Variants in TENM3 observed in about 807,000 individuals in gnomAD.
TENM3 encodes teneurin transmembrane protein 3.
A neutral mutation model predicts 255.1 loss-of-function variants in TENM3; 63 were observed. The ratio of observed to expected loss-of-function variants is 0.25; its 90% CI spans 0.20 to 0.30. The LOEUF is 0.30. TENM3 is among the 10% of genes least tolerant of loss of function. The pLI is 1.00. For synonymous variants in TENM3, 1,306 were observed against 1,322.3 expected (o/e 0.99, Z 0.27); for missense variants, 2,929 against 3,461.1 (o/e 0.85, Z 3.86).
chr4:181,564,982 G>C, the TENM3 span, among the ~76,000 whole-genome samples: 2,819 of 152,246 alleles, frequency 0.019, 77 homozygotes, highest in African/African-American at 0.062. Context: ...TCGAATGTGA[G>C]ATCCTTTTAT....
At chr4:181,454,673 A>ATTTTTATACTTTTTTTTTTTTTTT in the TENM3 span, among the ~76,000 whole-genome samples, 5 of 148,100 alleles carry the variant, frequency 3.4e-5, no homozygotes, top group African/African-American at 5.0e-5. Flanking sequence ...TTTTTATACC[A>ATTTTTATACTTTTTTTTTTTTTTT]TTTTTATACT....
intron 4 of TENM3, among the ~76,000 whole-genome samples, chr4:182,619,862 G>C (rs73872451): frequency 9.2e-5 from 14 of 152,176 alleles, no homozygotes; most frequent in Non-Finnish European, 1.9e-4. Context: ...TCCGTGCAGG[G>C]CATCATTGGA....
chr4:182,254,036 T>C (rs1758211509), intron 1 of TENM3, among the ~76,000 whole-genome samples: 6 of 152,170 alleles, frequency 3.9e-5, no homozygotes, highest in Admixed American at 3.9e-4. Flanking sequence ...TTAATTCTAA[T>C]CTTTTTCCTA....
the TENM3 span, among the ~76,000 whole-genome samples, chr4:181,907,237 G>A: frequency 0.084 from 12,735 of 152,182 alleles, 630 homozygotes; most frequent in East Asian, 0.19. Context: ...TCATGATGAT[G>A]CTTCAAAGCA....
intron 1 of TENM3, among the ~76,000 whole-genome samples, chr4:182,161,609 A>G (rs1751195795): frequency 8.7e-6 from 1 of 115,590 alleles, no homozygotes; most frequent in South Asian, 3.2e-4. Context: ...ACATATATAT[A>G]TATGTATATA....
At chr4:181,936,769 A>G in the TENM3 span, among the ~76,000 whole-genome samples, 1 of 151,890 alleles carries the variant, frequency 6.6e-6, no homozygotes, top group Non-Finnish European at 1.5e-5. Context: ...GACCTCCCTG[A>G]GGAAGTGAGC....
At chr4:182,127,329 G>A in the TENM3 span, among the ~76,000 whole-genome samples, 1 of 152,078 alleles carries the variant, frequency 6.6e-6, no homozygotes, top group Admixed American at 6.6e-5. Context: ...TATCAGCAGC[G>A]CCTGTCCTAG....
intron 1 of TENM3, among the ~76,000 whole-genome samples, chr4:182,318,403 T>C (rs1762867627): frequency 6.6e-6 from 1 of 152,144 alleles, no homozygotes; most frequent in Non-Finnish European, 1.5e-5. Context: ...AAGTATTTCA[T>C]CAGGATTAGG....
chr4:181,544,414 A>AAAAAAAAAC, the TENM3 span, among the ~76,000 whole-genome samples: 16 of 116,974 alleles, frequency 1.4e-4, 1 homozygote, highest in Non-Finnish European at 1.8e-4. Flanking sequence ...GGATTAAAAA[A>AAAAAAAAAC]AAAAAAAAAA....
the TENM3 span, among the ~76,000 whole-genome samples, chr4:181,684,400 T>C: frequency 1.3e-5 from 2 of 152,170 alleles, no homozygotes; most frequent in Non-Finnish European, 2.9e-5. Context: ...GTAAAGAAAA[T>C]AAACCCTGTG....
At chr4:182,740,994 G>A (rs1435638888) in intron 18 of TENM3, among the ~76,000 whole-genome samples, 2 of 152,086 alleles carry the variant, frequency 1.3e-5, no homozygotes, top group South Asian at 2.1e-4. Context: ...CTGGCAACAT[G>A]GTGGAACCCC....
chr4:182,658,066 T>C (rs887105037), intron 6 of TENM3, among the ~76,000 whole-genome samples: 6 of 152,208 alleles, frequency 3.9e-5, no homozygotes, highest in Non-Finnish European at 1.5e-5. Flanking sequence ...TGACTTGTCC[T>C]CCTCTACCTT....
chr4:181,782,495 T>C, the TENM3 span, among the ~76,000 whole-genome samples: 1 of 152,214 alleles, frequency 6.6e-6, no homozygotes, highest in Non-Finnish European at 1.5e-5. Flanking sequence ...TTGTGTTTAT[T>C]TGATTCTTCT....
chr4:182,155,644 C>A (rs1037423739), intron 1 of TENM3, among the ~76,000 whole-genome samples: 5 of 151,666 alleles, frequency 3.3e-5, no homozygotes, highest in African/African-American at 1.2e-4. Flanking sequence ...TAGAAATGAG[C>A]CAGATGTAAC....
chr4:182,062,298 C>G, the TENM3 span, among the ~76,000 whole-genome samples: 10 of 152,266 alleles, frequency 6.6e-5, no homozygotes, highest in Non-Finnish European at 2.9e-5. Flanking sequence ...AACAAGACAC[C>G]TTTACAATTG....
intron 3 of TENM3, among the ~76,000 whole-genome samples, chr4:182,527,916 C>G (rs185916070): frequency 6.6e-6 from 1 of 151,824 alleles, no homozygotes; most frequent in Non-Finnish European, 1.5e-5. Flanking sequence ...TTAGTAGAGA[C>G]GAAGTTTCAC....
the TENM3 span, among the ~76,000 whole-genome samples, chr4:181,677,943 A>G: frequency 6.6e-6 from 1 of 152,152 alleles, no homozygotes; most frequent in African/African-American, 2.4e-5. Context: ...AGAAAACATT[A>G]TCTGATCCCC....
At chr4:182,085,935 C>T in the TENM3 span, among the ~76,000 whole-genome samples, 6 of 152,158 alleles carry the variant, frequency 3.9e-5, no homozygotes, top group East Asian at 7.7e-4. Context: ...CATCCACCAA[C>T]TCTCATATTA....
the TENM3 span, among the ~76,000 whole-genome samples, chr4:181,726,432 T>C: frequency 2.6e-5 from 4 of 152,174 alleles, no homozygotes; most frequent in African/African-American, 9.7e-5. Context: ...CATCCCAATC[T>C]TCAAGGATAT....
Sources: gnomAD v4.1 joint callset for allele counts (sites outside exome capture counted in the v4.1 genomes callset) on GRCh38, gnomAD v4.1.1 for gene constraint, MANE v1.5 for transcripts, NCBI Gene and HGNC (gene_info 2026-07-23, HGNC 2026-07-21) for gene names.